The following SCGB2B2 variants were observed in gnomAD, a reference collection of about 807,000 sequenced individuals.
The protein encoded by SCGB2B2 is secretoglobin-like protein.
SCGB2B2 carries 11 observed loss-of-function variants against 7.6 expected under a neutral mutation model. The ratio of observed to expected loss-of-function variants is 1.45; its 90% CI spans 0.91 to 2.40. SCGB2B2 has a LOEUF of 2.40. SCGB2B2 is among the 30% of genes most tolerant of loss of function. The pLI, the probability that SCGB2B2 is intolerant of heterozygous loss-of-function variation, is 0.00. For missense variants in SCGB2B2, 104 were observed against 115.4 expected (o/e 0.90, Z 0.45); for synonymous variants, 50 against 48.6 (o/e 1.03, Z -0.12).
chr19:34,642,844 TAAA>T (rs2066885555), intron 1 of SCGB2B2, among the ~76,000 whole-genome samples: 1 of 137,158 alleles, frequency 7.3e-6, no homozygotes, highest in Admixed American at 7.3e-5. Flanking sequence ...GAAATACAAA[TAAA>T]AAACAATGCA....
At chr19:34,640,259 T>C (rs571360584) in intron 1 of SCGB2B2, among the ~76,000 whole-genome samples, 84 of 152,178 alleles carry the variant, frequency 5.5e-4, no homozygotes, top group Admixed American at 3.7e-3. Flanking sequence ...GCACCAGACC[T>C]GGCTAATTTT....
intron 1 of SCGB2B2, among the ~76,000 whole-genome samples, chr19:34,641,907 A>G (rs1426774255): frequency 6.6e-6 from 1 of 152,198 alleles, no homozygotes; most frequent in Non-Finnish European, 1.5e-5. Context: ...CCATATGTAC[A>G]CATTAAATAA....
intron 1 of SCGB2B2, among the ~76,000 whole-genome samples, chr19:34,605,533 A>G (rs191177967): frequency 1.5e-3 from 230 of 152,286 alleles, no homozygotes; most frequent in African/African-American, 5.2e-3. Context: ...GGCTTCTTTC[A>G]ATAATTTTCT....
At chr19:34,600,487 T>G (rs1218629349) in intron 1 of SCGB2B2, among the ~76,000 whole-genome samples, 9 of 152,218 alleles carry the variant, frequency 5.9e-5, no homozygotes, top group Non-Finnish European at 1.5e-5. Context: ...AAAGCAGTTG[T>G]ACAATGCACT....
chr19:34,645,670 G>T, intron 1 of SCGB2B2: 1 of 405,420 alleles, frequency 2.5e-6, no homozygotes, highest in South Asian at 2.1e-5. Context: ...TCATGAGGAT[G>T]ACACCCACCG....
chr19:34,619,131 A>C (rs1211930402), intron 1 of SCGB2B2, among the ~76,000 whole-genome samples: 1 of 152,144 alleles, frequency 6.6e-6, no homozygotes, highest in Non-Finnish European at 1.5e-5. Context: ...TTTTTCTGAC[A>C]ATATGTTTAA....
intron 1 of SCGB2B2, among the ~76,000 whole-genome samples, chr19:34,666,017 C>T (rs1010016099): frequency 6.6e-5 from 10 of 152,106 alleles, no homozygotes; most frequent in Non-Finnish European, 5.9e-5. Context: ...CAGCCCCCTG[C>T]GGCCCTCCTG....
At chr19:34,649,773 G>A (rs1488451669) in intron 1 of SCGB2B2, among the ~76,000 whole-genome samples, 1 of 145,366 alleles carries the variant, frequency 6.9e-6, no homozygotes, top group Non-Finnish European at 1.5e-5. Flanking sequence ...AGAATCACTT[G>A]AACCTAGGAG....
chr19:34,626,850 G>T (rs931299116), intron 1 of SCGB2B2, among the ~76,000 whole-genome samples: 1 of 152,202 alleles, frequency 6.6e-6, no homozygotes, highest in African/African-American at 2.4e-5. Context: ...GTTAAGGGTA[G>T]CCAGAGAGAA....
chr19:34,620,438 A>G (rs1470116617), intron 1 of SCGB2B2, among the ~76,000 whole-genome samples: 1 of 148,056 alleles, frequency 6.8e-6, no homozygotes, highest in Non-Finnish European at 1.5e-5. Flanking sequence ...ACAGAAAACC[A>G]AACACTGCAT....
intron 1 of SCGB2B2, among the ~76,000 whole-genome samples, chr19:34,636,653 G>A (rs2066688585): frequency 6.6e-6 from 1 of 152,192 alleles, no homozygotes; most frequent in Non-Finnish European, 1.5e-5. Context: ...GGTGGGAGTC[G>A]GCCCTGGCCA....
intron 1 of SCGB2B2, among the ~76,000 whole-genome samples, chr19:34,647,241 G>A (rs1031768887): frequency 6.6e-6 from 1 of 152,190 alleles, no homozygotes; most frequent in African/African-American, 2.4e-5. Context: ...CTCAGGCATG[G>A]TGCCTCTGTC....
At chr19:34,599,751 C>T (rs2145773770) in intron 1 of SCGB2B2, among the ~76,000 whole-genome samples, 1 of 152,244 alleles carries the variant, frequency 6.6e-6, no homozygotes, top group East Asian at 1.9e-4. Flanking sequence ...GCCCTGTTCT[C>T]TCCCTCTTCC....
At chr19:34,633,602 C>G (rs2198901) in intron 1 of SCGB2B2, among the ~76,000 whole-genome samples, 144,841 of 152,256 alleles carry the variant, frequency 0.95, 69,309 homozygotes, top group Middle Eastern at 0.99. Context: ...ATGTTTGTGG[C>G]AATGGGGTGC....
Position 34,635,290 on chromosome 19 carries a change from T to A in SCGB2B2, c.-2031-38696A>T, listed in dbSNP as rs2066644604. 3 of 296,096 alleles carry A rather than the reference T, an allele frequency of 1.0e-5. No homozygotes were observed. In the Admixed American group the frequency reaches 1.1e-4, roughly 11 times the overall value. The allele number at this position is 296,096 out of a possible 1,614,324, so 18.3% of individuals were successfully genotyped here. On this transcript the variant is annotated intron_variant, in intron 1 of 3. Transcript: ENST00000601241. ...TGTGGACTTTCTCCAGTGTGGACTC[T>A]CTGGTGCTGAATGAGTGTGTGTTTG...
intron 1 of SCGB2B2, among the ~76,000 whole-genome samples, chr19:34,648,024 C>T (rs1483148034): frequency 4.6e-5 from 7 of 152,120 alleles, no homozygotes; most frequent in Admixed American, 4.6e-4. Flanking sequence ...AAGGGGGTCA[C>T]GTTGGGCTGG....
chr19:34,665,522 T>C (rs1483689192), intron 1 of SCGB2B2, among the ~76,000 whole-genome samples: 1 of 152,170 alleles, frequency 6.6e-6, no homozygotes, highest in Non-Finnish European at 1.5e-5. Context: ...AAGTGCACGA[T>C]CTGGTCATGT....
intron 1 of SCGB2B2, among the ~76,000 whole-genome samples, chr19:34,658,813 C>CAAAAAAAAA (rs138363297): frequency 2.0e-4 from 20 of 101,952 alleles, no homozygotes; most frequent in African/African-American, 7.9e-4. Context: ...ACAACAACAA[C>CAAAAAAAAA]AAAAAAAAAA....
In SCGB2B2 at chr19:34,612,783, A is replaced by G. The variant is rs117655317; in HGVS notation, c.-2031-16189T>C. On this transcript the variant is annotated intron_variant, in intron 1 of 3. Coordinates refer to ENST00000601241, the MANE Select transcript of SCGB2B2 (RefSeq NM_001025591.4). ...AGCTCCCCAACTGTAATTGTATTGG[A>G]GTCTATCTCTCTCCTTAAATCTAAT... is the stretch of plus-strand genomic sequence containing the variant. 1.3e-3 allele frequency among the ~76,000 whole-genome samples: 197 copies of G among 152,194 alleles called. 4 individuals carry two copies. In the East Asian group the frequency reaches 0.033, roughly 26 times the overall value.
Sources: allele counts gnomAD v4.1 joint callset (sites outside exome capture counted in the v4.1 genomes callset), GRCh38; gene constraint gnomAD v4.1.1; transcripts MANE v1.5; gene names NCBI Gene and HGNC (gene_info 2026-07-23, HGNC 2026-07-21).